The following TIA1 variants were observed in gnomAD, a reference collection of about 807,000 sequenced individuals.
The protein encoded by TIA1 is TIA1 cytotoxic granule associated RNA binding protein.
Under a neutral mutation model 65.9 loss-of-function variants are expected in TIA1, and 23 were observed. The ratio of observed to expected loss-of-function variants is 0.35; its 90% CI spans 0.25 to 0.49. The LOEUF is 0.49. Ranked by LOEUF, TIA1 falls within the 20% of genes least tolerant of loss-of-function variation. TIA1 has a pLI of 0.98. For missense variants in TIA1, 371 were observed against 477.9 expected, an observed-to-expected ratio of 0.78 and a Z score of 2.09; for synonymous variants, 147 against 149.4, an observed-to-expected ratio of 0.98 and a Z score of 0.12.
intron 5 of TIA1, 158 bp downstream of exon 5, chr2:70,228,901 G>T: frequency 2.0e-6 from 3 of 1,466,164 alleles, no homozygotes; most frequent in Non-Finnish European, 9.0e-7. Context: ...AGTTATACTT[G>T]GTCAACACTG....
At chr2:70,231,230 A>G (rs1686135623) in intron 2 of TIA1, among the ~76,000 whole-genome samples, 1 of 152,088 alleles carries the variant, frequency 6.6e-6, no homozygotes, top group Admixed American at 6.6e-5. Context: ...TGAACCCGGG[A>G]GGTGGAGGTT....
At chr2:70,243,265 A>G (rs1012530418) in intron 1 of TIA1, among the ~76,000 whole-genome samples, 2 of 152,104 alleles carry the variant, frequency 1.3e-5, no homozygotes, top group Non-Finnish European at 2.9e-5. Flanking sequence ...TTCTCTACAA[A>G]TATTTTTAAA....
Position 70,230,809 on chromosome 2 carries a change from G to C in TIA1, c.169C>G (p.Arg57Gly). 1.9e-6 allele frequency: 3 copies of C among 1,612,696 alleles called. No individual in the cohort carries two copies. The highest frequency in any genetic ancestry group is 2.5e-6 in the Non-Finnish European group (3 of 1,179,596). The change falls in exon 3 of 13, where the codon CGT becomes GGT. Residue 57 changes from arginine to glycine, a missense_variant. Transcript: ENST00000433529. ...PYCFVEFHEH[R>G]HAAAALAAMN... ...GCAGCTAATGCTGCAGCTGCATGACGATGCTCATGAAACTCCACAAAACAA... is the reference window on the plus strand; with the variant it reads ...GCAGCTAATGCTGCAGCTGCATGACCATGCTCATGAAACTCCACAAAACAA...
intron 1 of TIA1, among the ~76,000 whole-genome samples, chr2:70,244,172 G>A (rs1167238066): frequency 1.3e-5 from 2 of 152,088 alleles, no homozygotes; most frequent in African/African-American, 2.4e-5. Context: ...TTTCTAGGGT[G>A]CTCCTCCTTC....
chr2:70,239,132 G>A (rs1690517510), intron 1 of TIA1, among the ~76,000 whole-genome samples: 1 of 152,174 alleles, frequency 6.6e-6, no homozygotes, highest in South Asian at 2.1e-4. Flanking sequence ...TTGCTCTGTC[G>A]CCCAGGCTGG....
At chr2:70,244,981 C>T (rs1693640631) in intron 1 of TIA1, among the ~76,000 whole-genome samples, 1 of 151,924 alleles carries the variant, frequency 6.6e-6, no homozygotes, top group Admixed American at 6.6e-5. Flanking sequence ...AGGCAAGGCC[C>T]TCATTAGTAT....
Position 70,211,178 on chromosome 2 carries a change from T to C in TIA1, c.*1541A>G, listed in dbSNP as rs1676395010. On this transcript the variant is annotated 3_prime_UTR_variant, in exon 13 of 13. Transcript: ENST00000433529. ...CCTCTTGAGTAAAGGAAGAAGGAGGTTTGTGATCTTCACTGAAAACAAAGT... is the reference window on the plus strand; with the variant it reads ...CCTCTTGAGTAAAGGAAGAAGGAGGCTTGTGATCTTCACTGAAAACAAAGT... 6.6e-6 allele frequency: 1 copy of C among 152,106 alleles called. No individual in the cohort carries two copies. The highest frequency in any genetic ancestry group is 6.6e-5 in the Admixed American group (1 of 15,266). 9.4% of individuals were successfully genotyped at this position (152,106 alleles called of 1,614,324 possible). A position where few individuals can be genotyped will look rare whatever the true frequency, so the allele number is the denominator to read the frequency against.
At chr2:70,237,294 T>C (rs1689393826) in intron 1 of TIA1, among the ~76,000 whole-genome samples, 3 of 151,948 alleles carry the variant, frequency 2.0e-5, no homozygotes, top group African/African-American at 2.4e-5. Flanking sequence ...CCCAGCTACT[T>C]GGGAGGCTGA....
At chr2:70,241,396 C>G (rs2104694783) in intron 1 of TIA1, among the ~76,000 whole-genome samples, 1 of 151,760 alleles carries the variant, frequency 6.6e-6, no homozygotes, top group East Asian at 1.9e-4. Flanking sequence ...GAGCCGAGAT[C>G]ATGCCACTGT....
chr2:70,220,964 G>A lies in TIA1; in HGVS notation c.474+3590C>T, dbSNP rs192392308. 7.8e-3 allele frequency among the ~76,000 whole-genome samples: 1,188 copies of A among 151,764 alleles called. 32 individuals are homozygous for A. The highest frequency in any genetic ancestry group is 6.8e-3 in the Non-Finnish European group (464 of 67,960). On this transcript the variant is annotated intron_variant, in intron 7 of 12. Coordinates refer to ENST00000433529, the MANE Select transcript of TIA1 (RefSeq NM_022173.4). ...GCGGACTGGTGGAAGCCAGGAGTTC[G>A]AGGCCAGACTGGGCAACAAAGTGAG...
At chr2:70,245,692 A>G (rs1476473630) in intron 1 of TIA1, among the ~76,000 whole-genome samples, 1 of 152,212 alleles carries the variant, frequency 6.6e-6, no homozygotes, top group Admixed American at 6.5e-5. Flanking sequence ...CTTGCAGTAT[A>G]AACTTTCGGG....
At chr2:70,221,007 AT>A (rs1269314209) in intron 7 of TIA1, among the ~76,000 whole-genome samples, 11 of 151,410 alleles carry the variant, frequency 7.3e-5, no homozygotes, top group African/African-American at 2.4e-4. Flanking sequence ...CTACAAAAAA[AT>A]ATATATATAT....
chr2:70,234,237 T>C (rs904575639), intron 2 of TIA1, among the ~76,000 whole-genome samples: 1 of 152,228 alleles, frequency 6.6e-6, no homozygotes, highest in Non-Finnish European at 1.5e-5. Context: ...TATGTTTCTA[T>C]TGAGCATTTA....
At position 70,248,420 on chromosome 2, in the gene TIA1, T is replaced by C; in HGVS notation, c.11A>G (p.Glu4Gly). MED[E>G]MPKTLYVGNL... ...CCAGACTCACAGAGTCTTGGGCATC[T>C]CGTCCTCCATGGCTGCTGCTGTCGC... Residue 4 changes from glutamate to glycine, a missense_variant, in exon 1 of 13, where the codon GAG becomes GGG. Glu to Gly is a moderately conservative substitution (Grantham distance 98). Coordinates refer to ENST00000433529, the MANE Select transcript of TIA1 (RefSeq NM_022173.4). The C allele has an allele frequency of 1.9e-6, 3 of 1,600,638 alleles. No homozygotes were observed. Among genetic ancestry groups the C allele is most frequent in the Non-Finnish European group, 2.5e-6 (3 of 1,179,946 alleles).
At position 70,229,679 on chromosome 2, in the gene TIA1, C is replaced by T. The variant is rs931695064; in HGVS notation, c.223-361G>A. Among the ~76,000 whole-genome samples the T allele has an allele frequency of 2.6e-5, 4 of 152,158 alleles. No individual in the cohort carries two copies. In the South Asian group the frequency reaches 8.3e-4, roughly 31 times the overall value. ...ACTAACATAGGCTGCTGGCTGACGTCTGTAATCTCAGCACTTTCGGAGGCC... is the reference window on the plus strand; with the variant it reads ...ACTAACATAGGCTGCTGGCTGACGTTTGTAATCTCAGCACTTTCGGAGGCC... On this transcript the variant is annotated intron_variant, in intron 3 of 12. Coordinates refer to ENST00000433529, the MANE Select transcript of TIA1 (RefSeq NM_022173.4).
chr2:70,227,953 C>A, intron 5 of TIA1, 131 bp from the exon 6 acceptor site: 19 of 529,598 alleles, frequency 3.6e-5, no homozygotes, highest in Non-Finnish European at 3.9e-5. Context: ...AAACACTATC[C>A]TATATCTATA....
At chr2:70,238,408 C>A (rs1221039028) in intron 1 of TIA1, among the ~76,000 whole-genome samples, 4 of 150,688 alleles carry the variant, frequency 2.7e-5, no homozygotes, top group Admixed American at 2.7e-4. Context: ...GTAGCTGGGG[C>A]TACAGGCGCC....
chr2:70,228,944 T>C, intron 5 of TIA1, 115 bp downstream of exon 5: 4 of 1,443,002 alleles, frequency 2.8e-6, no homozygotes, highest in Admixed American at 2.3e-5. Flanking sequence ...GAGAGACAAA[T>C]AGAAATAATA....
chr2:70,229,350 C>T, intron 3 of TIA1, 32 bp from the exon 4 acceptor site: 1 of 1,572,764 alleles, frequency 6.4e-7, no homozygotes, highest in East Asian at 2.2e-5. Flanking sequence ...ATTTATACTT[C>T]ACAAAAATAA....
Sources: gnomAD v4.1 joint callset for allele counts (sites outside exome capture counted in the v4.1 genomes callset) on GRCh38, gnomAD v4.1.1 for gene constraint, MANE v1.5 for transcripts, NCBI Gene and HGNC (gene_info 2026-07-23, HGNC 2026-07-21) for gene names.